The following TIMP2 variants were observed in gnomAD, a reference collection of about 807,000 sequenced individuals.
TIMP2 encodes TIMP metallopeptidase inhibitor 2, also known as metalloproteinase inhibitor 2.
A neutral mutation model predicts 24.3 loss-of-function variants in TIMP2; 5 were observed. The observed-to-expected ratio is 0.21, with a 90% CI of 0.11 to 0.43. The LOEUF is 0.43. TIMP2 is among the 20% of genes least tolerant of loss of function. The pLI, the probability that TIMP2 is intolerant of heterozygous loss-of-function variation, is 1.00. For missense variants in TIMP2, 221 were observed against 297.5 expected (o/e 0.74, Z 1.89); for synonymous variants, 130 against 123.2 (o/e 1.06, Z -0.37).
chr17:78,909,796 C>T (rs1408580665), intron 1 of TIMP2, among the ~76,000 whole-genome samples: 1 of 152,136 alleles, frequency 6.6e-6, no homozygotes, highest in Non-Finnish European at 1.5e-5. Flanking sequence ...TATTCCACCC[C>T]CCGCCCCCCA....
intron 1 of TIMP2, among the ~76,000 whole-genome samples, chr17:78,918,152 A>G (rs534741531): frequency 2.0e-5 from 3 of 151,582 alleles, no homozygotes; most frequent in Non-Finnish European, 4.4e-5. Context: ...CGCCAGGCCT[A>G]TCTCTGGCTG....
intron 1 of TIMP2, among the ~76,000 whole-genome samples, chr17:78,905,437 C>G (rs2070150069): frequency 6.6e-6 from 1 of 152,206 alleles, no homozygotes; most frequent in Non-Finnish European, 1.5e-5. Flanking sequence ...AATACGGACC[C>G]ATAGATACAA....
At position 78,857,504 on chromosome 17, in the gene TIMP2, G is replaced by A; in HGVS notation, c.465+18C>T. On this transcript the variant is annotated intron_variant, in intron 4 of 4. Coordinates refer to ENST00000262768, the MANE Select transcript of TIMP2 (RefSeq NM_003255.5). ...ACTGGGAGGAGGCGATGCTCCAGCAGAGGCAGGACCTGCTTACCTTGCACT... is the reference window on the plus strand; with the variant it reads ...ACTGGGAGGAGGCGATGCTCCAGCAAAGGCAGGACCTGCTTACCTTGCACT... The A allele has an allele frequency of 1.2e-6, 2 of 1,614,028 alleles. No homozygotes were observed. The highest frequency in any genetic ancestry group is 1.1e-5 in the South Asian group (1 of 91,082).
At chr17:78,886,170 C>CAG (rs2069823508) in intron 1 of TIMP2, among the ~76,000 whole-genome samples, 1 of 152,186 alleles carries the variant, frequency 6.6e-6, no homozygotes, top group Non-Finnish European at 1.5e-5. Context: ...ACCGTCCGGG[C>CAG]AGAGATGAGT....
intron 1 of TIMP2, chr17:78,897,672 T>C (rs895207169): frequency 2.0e-5 from 3 of 152,288 alleles, no homozygotes; most frequent in East Asian, 1.9e-4. Flanking sequence ...ATGGCAAGCA[T>C]GGCCATCCCT....
intron 4 of TIMP2, chr17:78,857,167 T>C (rs2069530268): frequency 4.3e-6 from 1 of 233,688 alleles, no homozygotes; most frequent in Admixed American, 5.0e-5. Context: ...TTTTGTATTT[T>C]TGTAGAGACA....
intron 1 of TIMP2, among the ~76,000 whole-genome samples, chr17:78,906,866 A>G (rs1358279312): frequency 6.6e-6 from 1 of 151,088 alleles, no homozygotes; most frequent in African/African-American, 2.4e-5. Flanking sequence ...TACAGGCGTG[A>G]GCCACCGTGT....
intron 1 of TIMP2, among the ~76,000 whole-genome samples, chr17:78,892,813 A>C (rs1489308787): frequency 1.3e-5 from 2 of 152,180 alleles, no homozygotes; most frequent in African/African-American, 4.8e-5. Context: ...CACACTGCAC[A>C]GGAGGGCTGC....
chr17:78,923,153 G>A (rs140181733), intron 1 of TIMP2, among the ~76,000 whole-genome samples: 13 of 152,170 alleles, frequency 8.5e-5, no homozygotes, highest in Middle Eastern at 6.8e-3. Context: ...TTAGCTACAG[G>A]ATGATTTTGA....
intron 3 of TIMP2, among the ~76,000 whole-genome samples, chr17:78,869,406 CT>C (rs1415729603): frequency 9.1e-6 from 1 of 110,080 alleles, no homozygotes; most frequent in African/African-American, 3.7e-5. Flanking sequence ...CAGAGCAAGA[CT>C]TTGTCTCAAA....
intron 1 of TIMP2, among the ~76,000 whole-genome samples, chr17:78,888,295 G>A (rs941666228): frequency 6.6e-6 from 1 of 151,808 alleles, no homozygotes; most frequent in African/African-American, 2.4e-5. Context: ...GAGTAGCTGG[G>A]ATTACAGATG....
intron 1 of TIMP2, 46 bp from the exon 2 acceptor site, chr17:78,873,965 C>A (rs530144177): frequency 6.4e-7 from 1 of 1,568,686 alleles, no homozygotes; most frequent in African/African-American, 1.3e-5. Flanking sequence ...CTGAAACACG[C>A]TCCTGGGGCT....
chr17:78,861,994 G>A (rs1000649460), intron 3 of TIMP2, among the ~76,000 whole-genome samples: 1 of 152,208 alleles, frequency 6.6e-6, no homozygotes, highest in African/African-American at 2.4e-5. Flanking sequence ...CATCTGCAGC[G>A]ATGTTCTACT....
At chr17:78,892,102 T>C in intron 1 of TIMP2, 2 of 1,551,764 alleles carry the variant, frequency 1.3e-6, no homozygotes, top group East Asian at 4.9e-5. Context: ...ACAGACGTGC[T>C]GACTGCAGCC....
Position 78,865,624 on chromosome 17 carries a change from C to CAAA in TIMP2, c.340+5271_340+5273dup, listed in dbSNP as rs35179698. 9.7e-3 allele frequency among the ~76,000 whole-genome samples: 1,144 copies of CAAA among 117,664 alleles called. 24 individuals carry two copies. The highest frequency in any genetic ancestry group is 0.036 in the African/African-American group (1,082 of 29,788). The allele number at this position is 117,664 out of a possible 152,430, so 77.2% of individuals were successfully genotyped here. On this transcript the variant is annotated intron_variant, in intron 3 of 4. Transcript: ENST00000262768. ...GGGCAACAAGACAGAAACTCTGTCT[C>CAAA]AAAAAAAAAAAAAAAAAATTAGCTG...
At chr17:78,888,551 C>G (rs1036006862) in intron 1 of TIMP2, among the ~76,000 whole-genome samples, 1 of 152,194 alleles carries the variant, frequency 6.6e-6, no homozygotes, top group Non-Finnish European at 1.5e-5. Context: ...CTCTGGGGCT[C>G]AAATGAACCT....
chr17:78,904,655 A>T (rs2070141067), intron 1 of TIMP2: 1 of 152,044 alleles, frequency 6.6e-6, no homozygotes, highest in South Asian at 2.1e-4. Flanking sequence ...TGTCAGCTTG[A>T]CGGGCTAAGG....
intron 1 of TIMP2, among the ~76,000 whole-genome samples, chr17:78,876,538 C>T (rs895554275): frequency 1.3e-5 from 2 of 151,942 alleles, no homozygotes; most frequent in African/African-American, 2.4e-5. Context: ...TTTTTTGAGA[C>T]GGAGTTTCAC....
intron 1 of TIMP2, among the ~76,000 whole-genome samples, chr17:78,919,139 C>T (rs1215823523): frequency 6.6e-6 from 1 of 152,264 alleles, no homozygotes; most frequent in East Asian, 1.9e-4. Flanking sequence ...AGTCCTGAAA[C>T]TCCAGTGCCA....
Sources: gnomAD v4.1 joint callset for allele counts (sites outside exome capture counted in the v4.1 genomes callset) on GRCh38, gnomAD v4.1.1 for gene constraint, MANE v1.5 for transcripts, NCBI Gene and HGNC (gene_info 2026-07-23, HGNC 2026-07-21) for gene names.